The following ANKRD13D variants were observed in gnomAD, a reference collection of about 807,000 sequenced individuals.
ANKRD13D encodes ankyrin repeat domain 13D.
ANKRD13D carries 24 observed loss-of-function variants against 68.8 expected under a neutral mutation model. That is an observed-to-expected ratio of 0.35 (90% confidence interval 0.25 to 0.49). The LOEUF (loss-of-function observed/expected upper bound fraction) is 0.49. ANKRD13D is among the 20% of genes least tolerant of loss of function. The pLI is 0.99. For synonymous variants in ANKRD13D, 331 were observed against 336.1 expected (o/e 0.98, Z 0.16); for missense variants, 735 against 832.1 (o/e 0.88, Z 1.44).
rs544764472 is a variant in ANKRD13D at position 67,290,929 on chromosome 11, T to C, written c.351+483T>C. 3 of 178,970 alleles carry C rather than the reference T, an allele frequency of 1.7e-5. No individual in the cohort carries two copies. In the South Asian group the frequency reaches 3.4e-4, roughly 20 times the overall value. 11.1% of individuals were successfully genotyped at this position (178,970 alleles called of 1,614,324 possible). On this transcript the variant is annotated intron_variant, in intron 3 of 14. Coordinates refer to ENST00000511455, the MANE Select transcript of ANKRD13D (RefSeq NM_207354.3). The stretch of plus-strand genomic sequence containing the variant: ...TCCCCCAGGGCTCTGCACAGGCTCA[T>C]GGCCAGGTTGAGGCTGGCCCTCCAC...
At chr11:67,298,507 C>A in intron 6 of ANKRD13D, 1 of 157,912 alleles carries the variant, frequency 6.3e-6, no homozygotes, top group Non-Finnish European at 1.4e-5. Flanking sequence ...TCTTCTGGTT[C>A]TTTGTTGATC....
Position 67,301,949 on chromosome 11 carries a change from C to T in ANKRD13D, c.1604+126C>T. On this transcript the variant is annotated intron_variant, in intron 14 of 14. Transcript: ENST00000511455. This position sits in a 1 kb window ranked among gnomAD's most constrained non-coding sequence, Gnocchi z 4.5. ...GGCCACCCTCTGTCAGCAGCGCTAT[C>T]TGCCACCAAAGGTGGTGTGAGGGGT... 1 of 1,333,936 alleles carries T rather than the reference C, an allele frequency of 7.5e-7. No homozygotes were observed. 82.6% of individuals were successfully genotyped at this position (1,333,936 alleles called of 1,614,324 possible).
Position 67,290,353 on chromosome 11 carries a change from C to T in ANKRD13D, c.258C>T (p.Pro86=), listed in dbSNP as rs894589292. 10 of 1,568,650 alleles carry T rather than the reference C, an allele frequency of 6.4e-6. No homozygotes were observed. Among genetic ancestry groups the T allele is most frequent in the African/African-American group, 1.3e-5 (1 of 74,182 alleles). Residue 86 remains proline, a synonymous_variant, in exon 3 of 15, where the codon CCC becomes CCT. Coordinates refer to ENST00000511455, the MANE Select transcript of ANKRD13D (RefSeq NM_207354.3). ...AGGAGGCAGTCAGCACTGGAGACCC[C>T]GAGATGGTGCAGCTGGTGCTCCAGT... ...VLQEAVSTGD[P]EMVQLVLQYR...
At chr11:67,291,134 G>C (rs1860522966) in intron 3 of ANKRD13D, 1 of 294,010 alleles carries the variant, frequency 3.4e-6, no homozygotes, top group African/African-American at 2.3e-5. Context: ...AAAGTGGGCG[G>C]ATCACTTGAG....
chr11:67,295,187 G>A (rs1198993978), intron 6 of ANKRD13D, among the ~76,000 whole-genome samples: 4 of 152,184 alleles, frequency 2.6e-5, no homozygotes, highest in African/African-American at 9.7e-5. Flanking sequence ...GGAGGCCGAG[G>A]TGGGTGGATC....
At position 67,291,979 on chromosome 11, in the gene ANKRD13D, A is replaced by G. The variant is rs1180538820; in HGVS notation, c.542-12A>G. 2 of 1,567,678 alleles carry G rather than the reference A, an allele frequency of 1.3e-6. No homozygotes were observed. The highest frequency in any genetic ancestry group is 1.4e-5 in the African/African-American group (1 of 73,852). ...ATTTGCGCCCCCTCTGTCCACCCCT[A>G]CCGGCCGGCAGAGGCAGGAGCCCTG... On this transcript the variant is annotated splice_polypyrimidine_tract_variant and intron_variant, in intron 5 of 14. Coordinates refer to ENST00000511455, the MANE Select transcript of ANKRD13D (RefSeq NM_207354.3).
In ANKRD13D at chr11:67,289,533, G is replaced by A; in HGVS notation, c.73G>A (p.Ala25Thr). The part of the protein sequence containing the change: ...WANRHRELEA[A>T]LHSHQHDIEQ... ...GAACCGGCATCGCGAACTGGAGGCC[G>A]CACTGCACAGCCACCAGGTGAGGCC... is the stretch of plus-strand genomic sequence containing the variant. The change falls in exon 1 of 15, where the codon GCA (alanine) becomes ACA (threonine). Residue 25 changes from alanine to threonine, a missense_variant. Physicochemically the swap from Ala to Thr is moderately conservative, Grantham distance 58. Coordinates refer to ENST00000511455, the MANE Select transcript of ANKRD13D (RefSeq NM_207354.3). 3.3e-6 allele frequency: 5 copies of A among 1,522,796 alleles called. No individual in the cohort carries two copies. Among genetic ancestry groups the A allele is most frequent in the South Asian group, 1.2e-5 (1 of 83,400 alleles). 94.3% of individuals were successfully genotyped at this position (1,522,796 alleles called of 1,614,324 possible).
chr11:67,298,343 T>C (rs1365258336), intron 6 of ANKRD13D: 1 of 152,326 alleles, frequency 6.6e-6, no homozygotes, highest in African/African-American at 2.4e-5. Flanking sequence ...ATTACAGGCA[T>C]GAGCCACCGC....
intron 6 of ANKRD13D, among the ~76,000 whole-genome samples, chr11:67,292,588 G>T (rs753276055): frequency 6.6e-6 from 1 of 151,434 alleles, no homozygotes; most frequent in Non-Finnish European, 1.5e-5. Flanking sequence ...GACAACACAT[G>T]CCCCCTCTTG....
intron 3 of ANKRD13D, chr11:67,290,968 C>G (rs542139134): frequency 5.6e-6 from 1 of 179,142 alleles, no homozygotes; most frequent in East Asian, 1.6e-4. Flanking sequence ...CAGGTGCTTA[C>G]AGCCTCATTG....
chr11:67,292,622 T>TA (rs904048506), intron 6 of ANKRD13D, among the ~76,000 whole-genome samples: 324 of 144,476 alleles, frequency 2.2e-3, no homozygotes, highest in Non-Finnish European at 3.4e-3. Context: ...TGGAAACACT[T>TA]AAAAAAAAAA....
intron 6 of ANKRD13D, among the ~76,000 whole-genome samples, chr11:67,293,410 T>C (rs1382031358): frequency 6.6e-6 from 1 of 152,240 alleles, no homozygotes; most frequent in Non-Finnish European, 1.5e-5. Flanking sequence ...TGACTAATGA[T>C]GTTGAGCATC....
chr11:67,301,663 C>T lies in ANKRD13D; in HGVS notation c.1512+12C>T. 1 of 1,611,364 alleles carries T rather than the reference C, an allele frequency of 6.2e-7. No individual in the cohort carries two copies. ...CTGAGGCGGAGCAGGTGGGACTTGC[C>T]CAGGGGGTGGGCTCTGGCCTCTGCA... is the stretch of plus-strand genomic sequence containing the variant. On this transcript the variant is annotated intron_variant, in intron 13 of 14. Transcript: ENST00000511455. The surrounding 1 kb of genome is among the most constrained non-coding windows in gnomAD (Gnocchi z 4.5).
chr11:67,299,813 C>T lies in ANKRD13D; in HGVS notation c.881-14C>T, dbSNP rs1465371195. On this transcript the variant is annotated splice_polypyrimidine_tract_variant and intron_variant, in intron 8 of 14. Transcript: ENST00000511455. This position sits in a 1 kb window ranked among gnomAD's most constrained non-coding sequence, Gnocchi z 6.2. ...CATTGTGACCCCTTACCAGCTCCCA[C>T]CCCTTCTCCGTAGCGGGGAAGACTC... 3.3e-6 allele frequency: 5 copies of T among 1,532,590 alleles called. No individual in the cohort carries two copies. The highest frequency in any genetic ancestry group is 4.5e-5 in the East Asian group (2 of 44,168). 94.9% of individuals were successfully genotyped at this position (1,532,590 alleles called of 1,614,324 possible).
intron 6 of ANKRD13D, among the ~76,000 whole-genome samples, chr11:67,294,574 TC>T (rs1860693920): frequency 6.6e-6 from 1 of 151,756 alleles, no homozygotes; most frequent in African/African-American, 2.4e-5. Flanking sequence ...GGAGTCTCAC[TC>T]TATTGCCCAG....
intron 6 of ANKRD13D, among the ~76,000 whole-genome samples, chr11:67,295,597 A>G (rs757685863): frequency 6.6e-6 from 1 of 151,818 alleles, no homozygotes; most frequent in Non-Finnish European, 1.5e-5. Context: ...TTAGCCAGGC[A>G]TGGTGGTGGG....
In ANKRD13D at chr11:67,299,743, C is replaced by A; in HGVS notation, c.881-84C>A. The A allele has an allele frequency of 6.5e-7, 1 of 1,538,594 alleles. No homozygotes were observed. The highest frequency in any genetic ancestry group is 8.8e-7 in the Non-Finnish European group (1 of 1,137,470). The stretch of plus-strand genomic sequence containing the variant: ...CATTCCCGTCTGACCCCTCTTCCCC[C>A]AGACAGTAGGCTCCAGGGGTGGAGG... On this transcript the variant is annotated intron_variant, in intron 8 of 14. Transcript: ENST00000511455. The surrounding 1 kb of genome is among the most constrained non-coding windows in gnomAD (Gnocchi z 6.2).
Position 67,302,100 on chromosome 11 carries a change from C to G in ANKRD13D, c.1605-19C>G, listed in dbSNP as rs758333703. 4.6e-6 allele frequency: 7 copies of G among 1,536,910 alleles called. No homozygotes were observed. Among genetic ancestry groups the G allele is most frequent in the Non-Finnish European group, 6.1e-6 (7 of 1,138,896 alleles). On this transcript the variant is annotated intron_variant, in intron 14 of 14. Transcript: ENST00000511455. The stretch of plus-strand genomic sequence containing the variant: ...GGCGCTCACTGGCCTGTTCTTCCCT[C>G]CCCTGCCCTGCCTGGAAGGGCCCTC...
At chr11:67,291,375 A>AT in intron 3 of ANKRD13D, 101 bp from the exon 4 acceptor site, 2 of 1,046,852 alleles carry the variant, frequency 1.9e-6, no homozygotes, top group Non-Finnish European at 2.7e-6. Flanking sequence ...AAAAAAAAAA[A>AT]GACCTGATGA....
Sources: allele counts gnomAD v4.1 joint callset (sites outside exome capture counted in the v4.1 genomes callset), GRCh38; gene constraint gnomAD v4.1.1; non-coding constraint Gnocchi (gnomAD v3.1); transcripts MANE v1.5; gene names NCBI Gene and HGNC (gene_info 2026-07-23, HGNC 2026-07-21).